TADA1: variants seen among roughly 807,000 people sequenced by gnomAD.
TADA1 encodes transcriptional adaptor 1, also known as transcriptional adapter 1.
In TADA1, 23 loss-of-function variants were observed where a neutral mutation model predicts 39.3. That is an observed-to-expected ratio of 0.58 (90% CI 0.42 to 0.83). The LOEUF is 0.83. Among genes scored for constraint, TADA1 ranks in the 40% least tolerant of loss-of-function variants. TADA1 has a pLI of 0.00. For missense variants in TADA1, 352 were observed against 408.1 expected, an observed-to-expected ratio of 0.86 and a Z score of 1.18; for synonymous variants, 137 against 151.8, an observed-to-expected ratio of 0.90 and a Z score of 0.72.
chr1:166,869,395 T>G (rs1036966067), intron 3 of TADA1, 50 bp downstream of exon 3: 1 of 1,490,028 alleles, frequency 6.7e-7, no homozygotes, highest in Non-Finnish European at 9.3e-7. Flanking sequence ...AAAGCTAAAG[T>G]CTAGTGCTTT....
At chr1:166,863,976 TAA>T in intron 3 of TADA1, 55 bp from the exon 4 acceptor site, 2 of 1,419,790 alleles carry the variant, frequency 1.4e-6, no homozygotes, top group Non-Finnish European at 9.6e-7. Flanking sequence ...TGATAACTGC[TAA>T]GTTTGTTTTC....
In TADA1 at chr1:166,860,193, T is replaced by C; in HGVS notation, c.685A>G (p.Ile229Val). 1.3e-6 allele frequency: 2 copies of C among 1,597,260 alleles called. No individual in the cohort carries two copies. Among genetic ancestry groups the C allele is most frequent in the South Asian group, 2.3e-5 (2 of 87,522 alleles). Residue 229 changes from isoleucine (I) to valine (V), a missense_variant, in exon 6 of 8, where the codon ATA becomes GTA. Ile to Val is a conservative substitution (Grantham distance 29). Coordinates refer to ENST00000367874, the MANE Select transcript of TADA1 (RefSeq NM_053053.4). ...ACAAGAAACTTCATTTACCTTTCTA[T>C]TAAGTTGTTGTAAGCTACTACACTA... is the stretch of plus-strand genomic sequence containing the variant. ...KNSVVAYNNL[I>V]ESPPAFTAPC...
intron 1 of TADA1, among the ~76,000 whole-genome samples, 188 bp downstream of exon 1, chr1:166,875,972 T>C (rs2101799317): frequency 6.6e-6 from 1 of 152,134 alleles, no homozygotes; most frequent in South Asian, 2.1e-4. Flanking sequence ...GGAGGCCCGG[T>C]CTCTCCAGGG....
At chr1:166,873,534 C>G (rs553417242) in intron 1 of TADA1, among the ~76,000 whole-genome samples, 2 of 152,208 alleles carry the variant, frequency 1.3e-5, no homozygotes, top group African/African-American at 4.8e-5. Context: ...GAGGACCACA[C>G]TTAAATAGGT....
At chr1:166,861,988 T>C (rs1425122569) in intron 5 of TADA1, among the ~76,000 whole-genome samples, 2 of 152,062 alleles carry the variant, frequency 1.3e-5, no homozygotes, top group Non-Finnish European at 2.9e-5. Context: ...GAGCCCAGGA[T>C]TTCCAGGTTG....
intron 1 of TADA1, among the ~76,000 whole-genome samples, chr1:166,875,423 C>G (rs1658741261): frequency 6.6e-6 from 1 of 152,152 alleles, no homozygotes; most frequent in African/African-American, 2.4e-5. Flanking sequence ...CCCTCTAATG[C>G]ATCAGTCGGG....
At chr1:166,862,683 T>C (rs1025561319) in intron 4 of TADA1, 3 of 473,152 alleles carry the variant, frequency 6.3e-6, no homozygotes, top group Admixed American at 7.4e-5. Flanking sequence ...ACAGAATGTA[T>C]GGCACTGTGT....
At chr1:166,864,052 A>C (rs1035776911) in intron 3 of TADA1, 131 bp from the exon 4 acceptor site, 34 of 671,786 alleles carry the variant, frequency 5.1e-5, no homozygotes, top group Non-Finnish European at 1.5e-5. Context: ...TTAAATCAAA[A>C]CCTTCTCTTT....
At chr1:166,867,617 C>G (rs1336523018) in intron 3 of TADA1, among the ~76,000 whole-genome samples, 1 of 150,962 alleles carries the variant, frequency 6.6e-6, no homozygotes, top group East Asian at 1.9e-4. Flanking sequence ...CACAGTTTCA[C>G]TCTGTCGCCC....
In TADA1 at chr1:166,857,738, C is replaced by T. The variant is rs747483429; in HGVS notation, c.856-19G>A. ...TGTGCACCTGGGATTAAAAAATTAA[C>T]GCATGTCCAATTATACTTGAGTAGA... On this transcript the variant is annotated intron_variant, in intron 7 of 7. Transcript: ENST00000367874. The T allele has an allele frequency of 2.5e-5, 40 of 1,607,084 alleles. No individual in the cohort carries two copies. In the Admixed American group the frequency reaches 4.2e-4, roughly 17 times the overall value.
chr1:166,862,071 A>T (rs765616067), intron 5 of TADA1, 132 bp downstream of exon 5: 17 of 953,934 alleles, frequency 1.8e-5, no homozygotes, highest in Non-Finnish European at 2.5e-5. Flanking sequence ...AAAACAGAAA[A>T]CAACTTCAAC....
intron 4 of TADA1, chr1:166,862,875 T>G: frequency 5.7e-6 from 1 of 174,376 alleles, no homozygotes; most frequent in Non-Finnish European, 1.2e-5. Context: ...GATAATGCTA[T>G]GTAGAGTAAC....
At chr1:166,871,381 G>C (rs1362531982) in intron 1 of TADA1, among the ~76,000 whole-genome samples, 2 of 152,128 alleles carry the variant, frequency 1.3e-5, no homozygotes, top group Admixed American at 1.3e-4. Flanking sequence ...TTCTCAACGG[G>C]ATGATTTAAT....
intron 4 of TADA1, chr1:166,862,901 A>AT (rs1193568329): frequency 6.2e-6 from 1 of 160,242 alleles, no homozygotes; most frequent in African/African-American, 2.4e-5. Context: ...AATTGCTGTT[A>AT]TTTTCTACTT....
chr1:166,857,516 T>A lies in TADA1; in HGVS notation c.*51A>T. On this transcript the variant is annotated 3_prime_UTR_variant, in exon 8 of 8. Coordinates refer to ENST00000367874, the MANE Select transcript of TADA1 (RefSeq NM_053053.4). ...AAATGTGGACCCAAAAAACATTCAA[T>A]TTTCAGTAATCAATGAATTCGGTGA... 5 of 1,601,918 alleles carry A rather than the reference T, an allele frequency of 3.1e-6. No individual in the cohort carries two copies. In the African/African-American group the frequency reaches 6.7e-5, roughly 22 times the overall value.
chr1:166,857,217 A>C lies in TADA1; in HGVS notation c.*350T>G, dbSNP rs556083596. 1.3e-4 allele frequency: 26 copies of C among 199,156 alleles called. No homozygotes were observed. Among genetic ancestry groups the C allele is most frequent in the Non-Finnish European group, 2.4e-4 (23 of 97,848 alleles). The allele number at this position is 199,156 out of a possible 1,614,324, so 12.3% of individuals were successfully genotyped here. ...CACTGAACACACAGATATCCTGCTG[A>C]TCAGGGGGATTAAGTTAAAACAGCT... On this transcript the variant is annotated 3_prime_UTR_variant, in exon 8 of 8. Coordinates refer to ENST00000367874, the MANE Select transcript of TADA1 (RefSeq NM_053053.4).
chr1:166,866,324 T>C (rs929416694), intron 3 of TADA1, among the ~76,000 whole-genome samples: 1 of 152,236 alleles, frequency 6.6e-6, no homozygotes, highest in Non-Finnish European at 1.5e-5. Context: ...TTCTCTTCTC[T>C]TAATTTTGTT....
At chr1:166,861,490 A>C (rs1658413122) in intron 5 of TADA1, among the ~76,000 whole-genome samples, 1 of 152,252 alleles carries the variant, frequency 6.6e-6, no homozygotes, top group Non-Finnish European at 1.5e-5. Context: ...TAAATGAATA[A>C]AATGAATGGA....
intron 7 of TADA1, among the ~76,000 whole-genome samples, 183 bp downstream of exon 7, chr1:166,857,936 G>A (rs1014181368): frequency 1.3e-5 from 2 of 151,974 alleles, no homozygotes; most frequent in African/African-American, 2.4e-5. Context: ...TCTTTATTGG[G>A]GAGATAGAAG....
Sources: allele counts gnomAD v4.1 joint callset (sites outside exome capture counted in the v4.1 genomes callset), GRCh38; gene constraint gnomAD v4.1.1; transcripts MANE v1.5; gene names NCBI Gene and HGNC (gene_info 2026-07-23, HGNC 2026-07-21).